The following FAM120A variants were observed in gnomAD, a reference collection of about 807,000 sequenced individuals.
FAM120A encodes constitutive coactivator of PPAR-gamma-like protein 1.
In FAM120A, 15 loss-of-function variants were observed where a neutral mutation model predicts 109.7. That is an observed-to-expected ratio of 0.14 (90% CI 0.09 to 0.21). FAM120A has a LOEUF of 0.21. Ranked by LOEUF, FAM120A falls within the 10% of genes least tolerant of loss-of-function variation. The probability of loss-of-function intolerance (pLI) is 1.00; values close to 1 mark genes in which losing one functional copy is unlikely to be tolerated. For missense variants in FAM120A, 899 were observed against 1,439.3 expected (o/e 0.62, Z 6.07); for synonymous variants, 493 against 572.8 (o/e 0.86, Z 1.99).
At chr9:93,527,614 ATTTTTTTTTTT>A (rs67894788) in intron 8 of FAM120A, among the ~76,000 whole-genome samples, 28 of 80,700 alleles carry the variant, frequency 3.5e-4, no homozygotes, top group African/African-American at 6.3e-4. Flanking sequence ...TTTGTATTTA[ATTTTTTTTTTT>A]TTTTTTTTTT....
chr9:93,525,608 G>A (rs761827885), intron 7 of FAM120A, among the ~76,000 whole-genome samples: 11 of 152,090 alleles, frequency 7.2e-5, no homozygotes, highest in Admixed American at 2.0e-4. Flanking sequence ...TGCCCCCTGC[G>A]TCTCCCAGCT....
intron 14 of FAM120A, 25 bp downstream of exon 14, chr9:93,558,035 G>A (rs1282530302): frequency 1.0e-5 from 16 of 1,550,350 alleles, no homozygotes; most frequent in Non-Finnish European, 1.4e-5. Flanking sequence ...ACGTATTCCT[G>A]TGGGTAACAG....
At chr9:93,460,383 C>T (rs532529938) in intron 1 of FAM120A, among the ~76,000 whole-genome samples, 3 of 152,052 alleles carry the variant, frequency 2.0e-5, no homozygotes, top group East Asian at 3.9e-4. Flanking sequence ...ACTCTGTTGC[C>T]CAACCTGGAG....
chr9:93,465,134 T>C (rs998349977), intron 1 of FAM120A, among the ~76,000 whole-genome samples: 1 of 152,190 alleles, frequency 6.6e-6, no homozygotes. Context: ...AGCCCAGTAC[T>C]TAACGTTTAT....
Position 93,500,887 on chromosome 9 carries a change from T to C in FAM120A, c.1030+2001T>C, listed in dbSNP as rs1157328456. Reference sequence around the variant, plus strand: ...CCTCCTGACCTCGAGCTCCCTATTTTATAGAATGGGGTCATTATGTGAATA... The same window carrying C: ...CCTCCTGACCTCGAGCTCCCTATTTCATAGAATGGGGTCATTATGTGAATA... On this transcript the variant is annotated intron_variant, in intron 5 of 17. Coordinates refer to ENST00000277165, the MANE Select transcript of FAM120A (RefSeq NM_014612.5). This position sits in a 1 kb window ranked among gnomAD's most constrained non-coding sequence, Gnocchi z 4.6. 6.6e-6 allele frequency among the ~76,000 whole-genome samples: 1 copy of C among 152,226 alleles called. No homozygotes were observed. The highest frequency in any genetic ancestry group is 1.9e-4 in the East Asian group (1 of 5,206).
At chr9:93,558,786 C>T (rs1291046402) in intron 15 of FAM120A, 68 bp downstream of exon 15, 3 of 1,559,794 alleles carry the variant, frequency 1.9e-6, no homozygotes, top group East Asian at 2.3e-5. Context: ...CGTCTGGCGC[C>T]TTCCTTCCTC....
intron 3 of FAM120A, among the ~76,000 whole-genome samples, chr9:93,489,714 CAT>C (rs1422392530): frequency 3.3e-5 from 5 of 152,210 alleles, no homozygotes; most frequent in Non-Finnish European, 7.3e-5. Context: ...ACAGAATACT[CAT>C]ATGTGTCATA....
At chr9:93,512,044 G>C (rs1281995019) in intron 5 of FAM120A, among the ~76,000 whole-genome samples, 1 of 152,194 alleles carries the variant, frequency 6.6e-6, no homozygotes, top group Admixed American at 6.5e-5. Flanking sequence ...CGCCTGCCTT[G>C]GCCTCCCAAA....
chr9:93,498,856 C>G lies in FAM120A; in HGVS notation c.1000C>G (p.Pro334Ala). Reference sequence around the variant, plus strand: ...TGGATATTATTCAGCGACTAGTAAGCCTATGTCATTTCATCCACCACATTA... The same window carrying G: ...TGGATATTATTCAGCGACTAGTAAGGCTATGTCATTTCATCCACCACATTA... ...AIGYYSATSKPMSFHPPHYLA... is the reference protein window; with the variant it reads ...AIGYYSATSKAMSFHPPHYLA... Residue 334 changes from proline (P) to alanine (A), a missense_variant, in exon 5 of 18, where the codon CCT (proline) becomes GCT (alanine). Pro to Ala is a conservative substitution (Grantham distance 27). Transcript: ENST00000277165. This position sits in a 1 kb window ranked among gnomAD's most constrained non-coding sequence, Gnocchi z 4.4. 1 of 1,610,030 alleles carries G rather than the reference C, an allele frequency of 6.2e-7. No homozygotes were observed. Among genetic ancestry groups the G allele is most frequent in the Non-Finnish European group, 8.5e-7 (1 of 1,176,316 alleles).
Position 93,500,001 on chromosome 9 carries a change from G to A in FAM120A, c.1030+1115G>A, listed in dbSNP as rs533949300. ...GGTGGTGGACAGGGAAACATGGCCT[G>A]TGCCGATGCCCTGTAATAAAGGAGG... On this transcript the variant is annotated intron_variant, in intron 5 of 17. Transcript: ENST00000277165. The surrounding 1 kb of genome is among the most constrained non-coding windows in gnomAD (Gnocchi z 4.6). 5.9e-5 allele frequency among the ~76,000 whole-genome samples: 9 copies of A among 152,308 alleles called. No homozygotes were observed. The highest frequency in any genetic ancestry group is 1.9e-4 in the African/African-American group (8 of 41,578).
chr9:93,513,724 G>A (rs982317384), intron 5 of FAM120A, among the ~76,000 whole-genome samples: 32 of 152,184 alleles, frequency 2.1e-4, no homozygotes, highest in African/African-American at 7.5e-4. Flanking sequence ...TCTCTGGGGG[G>A]AGTCAACAAT....
At chr9:93,486,104 C>T (rs1039564742) in intron 3 of FAM120A, among the ~76,000 whole-genome samples, 1 of 152,130 alleles carries the variant, frequency 6.6e-6, no homozygotes, top group Non-Finnish European at 1.5e-5. Context: ...TCCTTAGTAG[C>T]TAGGACTATA....
rs747057706 is a variant in FAM120A at position 93,564,413 on chromosome 9, C to G, written c.3230C>G (p.Ser1077Cys). ...GGTGACGCCAGGGCCCCCAGCCACT[C>G]TGAAAGTGCCTTGAATAATGACTCT... ...STGDARAPSH[S>C]ESALNNDSKT... Residue 1077 changes from serine (S) to cysteine (C), a missense_variant, in exon 18 of 18, where the codon TCT (serine) becomes TGT (cysteine). Coordinates refer to ENST00000277165, the MANE Select transcript of FAM120A (RefSeq NM_014612.5). The G allele has an allele frequency of 2.5e-6, 4 of 1,614,230 alleles. No individual in the cohort carries two copies. The South Asian group carries it at 4.4e-5, about 18-fold the overall frequency.
rs570326476 is a variant in FAM120A, at chr9:93,456,212, A to T, written c.474+3823A>T. ...TGTTTCTTCTTGTGTGCCTTGGGTC[A>T]TTATAACCTTTGAAACTTCAGTGAA... On this transcript the variant is annotated intron_variant, in intron 1 of 17. Coordinates refer to ENST00000277165, the MANE Select transcript of FAM120A (RefSeq NM_014612.5). Among the ~76,000 whole-genome samples, 3 of 152,332 alleles carry T rather than the reference A, an allele frequency of 2.0e-5. No individual in the cohort carries two copies. The South Asian group carries it at 6.2e-4, about 32-fold the overall frequency.
rs755105322 is a variant in FAM120A, at chr9:93,476,329, C to T, written c.795C>T (p.Ala265=). Residue 265 remains alanine (A), a synonymous_variant, in exon 3 of 18, where the codon GCC becomes GCT. Transcript: ENST00000277165. ...WSLLGPEHPL[A]SLKVRAHQLV... ...TACTTGGTCCAGAACATCCACTAGC[C>T]TCACTAAAGGTACAAATTTCACTTT... 3.8e-6 allele frequency: 6 copies of T among 1,596,066 alleles called. No homozygotes were observed. The South Asian group carries it at 4.4e-5, about 12-fold the overall frequency.
At chr9:93,564,173 C>T (rs1862562616) in intron 17 of FAM120A, 56 bp from the exon 18 acceptor site, 3 of 1,551,324 alleles carry the variant, frequency 1.9e-6, no homozygotes, top group Admixed American at 1.8e-5. Flanking sequence ...TTGGCATCCT[C>T]TCTCTTCTGT....
intron 17 of FAM120A, among the ~76,000 whole-genome samples, chr9:93,563,242 A>T (rs1232493406): frequency 2.6e-5 from 4 of 152,136 alleles, no homozygotes; most frequent in Non-Finnish European, 5.9e-5. Context: ...GGAAGGTACC[A>T]CCATCTTTGT....
rs1170453809 is a variant in FAM120A at position 93,565,578 on chromosome 9, C to G, written c.*1038C>G. ...CCCCCCAAAAATTATCTAGCCGTTT[C>G]GAATATCAACATTACCCTGGTGTAT... On this transcript the variant is annotated 3_prime_UTR_variant, in exon 18 of 18. Coordinates refer to ENST00000277165, the MANE Select transcript of FAM120A (RefSeq NM_014612.5). 5.3e-5 allele frequency: 8 copies of G among 152,028 alleles called. No homozygotes were observed. Among genetic ancestry groups the G allele is most frequent in the Non-Finnish European group, 1.0e-4 (7 of 67,984 alleles). The allele number at this position is 152,028 out of a possible 1,614,324, so 9.4% of individuals were successfully genotyped here. A position where few individuals can be genotyped will look rare whatever the true frequency, so the allele number is the denominator to read the frequency against.
At chr9:93,504,802 AG>A (rs2131370642) in intron 5 of FAM120A, among the ~76,000 whole-genome samples, 1 of 152,310 alleles carries the variant, frequency 6.6e-6, no homozygotes, top group African/African-American at 2.4e-5. Flanking sequence ...GGGAACCTCC[AG>A]GGTAGGGCCC....
Sources: allele counts gnomAD v4.1 joint callset (sites outside exome capture counted in the v4.1 genomes callset), GRCh38; gene constraint gnomAD v4.1.1; non-coding constraint Gnocchi (gnomAD v3.1); transcripts MANE v1.5; gene names NCBI Gene and HGNC (gene_info 2026-07-23, HGNC 2026-07-21).